DENND6A: variants seen among roughly 807,000 people sequenced by gnomAD.
DENND6A encodes DENN domain containing 6A, also known as protein DENND6A.
A neutral mutation model predicts 95.5 loss-of-function variants in DENND6A; 43 were observed. The observed-to-expected ratio is 0.45, with a 90% confidence interval of 0.35 to 0.58. The LOEUF is 0.58. DENND6A is among the 20% of genes least tolerant of loss of function. The pLI is 0.00. For missense variants in DENND6A, 574 were observed against 736.0 expected, an observed-to-expected ratio of 0.78 and a Z score of 2.55; for synonymous variants, 257 against 260.4, an observed-to-expected ratio of 0.99 and a Z score of 0.13.
Position 57,672,304 on chromosome 3 carries a change from A to G in DENND6A, c.277-6T>C. The G allele has an allele frequency of 6.2e-7, 1 of 1,609,316 alleles. No individual in the cohort carries two copies. ...AAATAGCAAATATTGGTTTTCTGAA[A>G]AAGAAAACAAAAGTGATGTATGCTG... On this transcript the variant is annotated splice_polypyrimidine_tract_variant and splice_region_variant and intron_variant, in intron 2 of 19. Coordinates refer to ENST00000311128, the MANE Select transcript of DENND6A (RefSeq NM_152678.3).
intron 9 of DENND6A, chr3:57,654,933 A>G (rs2071294643): frequency 3.1e-6 from 1 of 321,536 alleles, no homozygotes; most frequent in African/African-American, 2.2e-5. Context: ...AGTCACAAAT[A>G]AAGCATTAAT....
At chr3:57,649,368 G>A (rs979668617) in intron 9 of DENND6A, among the ~76,000 whole-genome samples, 7 of 152,028 alleles carry the variant, frequency 4.6e-5, no homozygotes, top group African/African-American at 1.7e-4. Flanking sequence ...ATGTTGGTGT[G>A]GATGTGGTGA....
At chr3:57,649,973 T>C (rs1187942306) in intron 9 of DENND6A, among the ~76,000 whole-genome samples, 1 of 151,224 alleles carries the variant, frequency 6.6e-6, no homozygotes, top group Admixed American at 6.6e-5. Context: ...TAAAAAGGAA[T>C]GAAATAAAGG....
intron 3 of DENND6A, among the ~76,000 whole-genome samples, chr3:57,669,215 G>T (rs2071574171): frequency 2.0e-5 from 3 of 151,964 alleles, no homozygotes; most frequent in Admixed American, 6.6e-5. Context: ...CAAACTGTAT[G>T]GATAACTACA....
intron 1 of DENND6A, among the ~76,000 whole-genome samples, chr3:57,686,099 A>T (rs149311075): frequency 0.024 from 3,658 of 152,334 alleles, 68 homozygotes; most frequent in Non-Finnish European, 0.035. Context: ...AGAAGAACAA[A>T]ATAAATAGAA....
chr3:57,645,808 T>C (rs1488008104), intron 10 of DENND6A, 52 bp from the exon 11 acceptor site: 1 of 1,364,340 alleles, frequency 7.3e-7, no homozygotes, highest in Admixed American at 1.8e-5. Context: ...TTAAAGGTCC[T>C]AATCTATAAC....
rs1333970510 is a variant in DENND6A, at chr3:57,641,676, C to T, written c.1109G>A (p.Arg370Gln). Residue 370 changes from arginine (R) to glutamine (Q), a missense_variant, in exon 12 of 20, where the codon CGA becomes CAA. Physicochemically the swap from Arg to Gln is conservative, Grantham distance 43. This residue lies in a region of DENND6A where 452 missense variants were observed against 630.9 expected (regional missense o/e 0.72). Coordinates refer to ENST00000311128, the MANE Select transcript of DENND6A (RefSeq NM_152678.3). ...ACCTGTAGGTTTAAGGTCTCCTATTCGAATAATGTGTGGCCAGTGCTGGAG... is the reference window on the plus strand; with the variant it reads ...ACCTGTAGGTTTAAGGTCTCCTATTTGAATAATGTGTGGCCAGTGCTGGAG... Reference protein sequence around the residue: ...KTLQHWPHIIRIGDLKPTGEI... With the variant: ...KTLQHWPHIIQIGDLKPTGEI... 3.1e-6 allele frequency: 5 copies of T among 1,612,092 alleles called. No individual in the cohort carries two copies. Among genetic ancestry groups the T allele is most frequent in the South Asian group, 2.2e-5 (2 of 90,852 alleles).
At chr3:57,645,820 A>G in intron 10 of DENND6A, 64 bp from the exon 11 acceptor site, 1 of 1,201,994 alleles carries the variant, frequency 8.3e-7, no homozygotes, top group East Asian at 2.4e-5. Flanking sequence ...ATCTATAACT[A>G]GAAAACATCT....
intron 1 of DENND6A, among the ~76,000 whole-genome samples, chr3:57,687,340 A>T (rs892742359): frequency 1.3e-5 from 2 of 152,232 alleles, no homozygotes; most frequent in Admixed American, 1.3e-4. Context: ...ACTCTTTTCA[A>T]TTCTGTTACG....
At chr3:57,661,585 T>G (rs2071424870) in intron 5 of DENND6A, 34 bp from the exon 6 acceptor site, 2 of 1,497,198 alleles carry the variant, frequency 1.3e-6, no homozygotes, top group Non-Finnish European at 1.8e-6. Flanking sequence ...TTTTAAAAAT[T>G]GCTTTGTCAT....
intron 9 of DENND6A, among the ~76,000 whole-genome samples, chr3:57,657,067 A>T (rs1473513550): frequency 6.6e-6 from 1 of 152,244 alleles, no homozygotes; most frequent in Admixed American, 6.5e-5. Context: ...AAGCTGGCCT[A>T]TACATCAGAA....
chr3:57,645,840 G>A, intron 10 of DENND6A, 84 bp from the exon 11 acceptor site: 1 of 931,868 alleles, frequency 1.1e-6, no homozygotes, highest in Non-Finnish European at 1.6e-6. Context: ...TATACAAACG[G>A]TATACACACA....
intron 1 of DENND6A, among the ~76,000 whole-genome samples, chr3:57,682,220 T>G (rs1395370805): frequency 2.0e-5 from 3 of 148,880 alleles, no homozygotes; most frequent in East Asian, 3.9e-4. Flanking sequence ...GGCGGAGGTT[T>G]TGGTGAGCCA....
chr3:57,674,992 G>A (rs2071686221), intron 1 of DENND6A, among the ~76,000 whole-genome samples: 1 of 152,306 alleles, frequency 6.6e-6, no homozygotes, highest in East Asian at 1.9e-4. Flanking sequence ...AGGGTGGGAG[G>A]AGGGAGAGGA....
chr3:57,687,019 CTTTT>C (rs1559834323), intron 1 of DENND6A, among the ~76,000 whole-genome samples: 1 of 152,124 alleles, frequency 6.6e-6, no homozygotes, highest in African/African-American at 2.4e-5. Context: ...AGGAAAAGTT[CTTTT>C]TTTCTTTCTT....
At chr3:57,666,932 A>G (rs2071532960) in intron 3 of DENND6A, among the ~76,000 whole-genome samples, 1 of 152,252 alleles carries the variant, frequency 6.6e-6, no homozygotes, top group African/African-American at 2.4e-5. Context: ...AAGTTATGCT[A>G]TGAGCACCAT....
intron 12 of DENND6A, among the ~76,000 whole-genome samples, chr3:57,640,977 G>A (rs960077368): frequency 2.0e-5 from 3 of 151,430 alleles, no homozygotes; most frequent in Non-Finnish European, 1.5e-5. Context: ...ACTTTGAACC[G>A]CTCCCTAAAT....
chr3:57,658,944 C>T (rs1428702391), intron 8 of DENND6A, among the ~76,000 whole-genome samples, 174 bp downstream of exon 8: 1 of 152,010 alleles, frequency 6.6e-6, no homozygotes, highest in Non-Finnish European at 1.5e-5. Flanking sequence ...AGAAAAAAGA[C>T]CCTAAGAAAC....
chr3:57,638,909 C>A (rs2070864219), intron 12 of DENND6A, among the ~76,000 whole-genome samples: 1 of 151,972 alleles, frequency 6.6e-6, no homozygotes, highest in African/African-American at 2.4e-5. Flanking sequence ...TTAGGACCAG[C>A]AACATTGCAA....
Sources: gnomAD v4.1 joint callset for allele counts (sites outside exome capture counted in the v4.1 genomes callset) on GRCh38, gnomAD v4.1.1 for gene constraint, gnomAD v4.1.1 regional missense constraint, MANE v1.5 for transcripts, NCBI Gene and HGNC (gene_info 2026-07-23, HGNC 2026-07-21) for gene names.